ICA1: variants seen among roughly 807,000 people sequenced by gnomAD.
ICA1 encodes the protein 69 kDa islet cell autoantigen.
In ICA1, 40 loss-of-function variants were observed where a neutral mutation model predicts 71.0. That is an observed-to-expected ratio of 0.56 (90% confidence interval 0.44 to 0.73). The LOEUF is 0.73. Among genes scored for constraint, ICA1 ranks in the 30% least tolerant of loss-of-function variants. The pLI, the probability that ICA1 is intolerant of heterozygous loss-of-function variation, is 0.00. For synonymous variants in ICA1, 207 were observed against 209.5 expected (o/e 0.99, Z 0.10); for missense variants, 578 against 576.5 (o/e 1.00, Z -0.03).
At chr7:8,182,761 G>A (rs1281830491) in intron 6 of ICA1, among the ~76,000 whole-genome samples, 9 of 152,004 alleles carry the variant, frequency 5.9e-5, no homozygotes, top group African/African-American at 1.2e-4. Context: ...TTTTTGTATT[G>A]TATGTTACAG....
intron 6 of ICA1, among the ~76,000 whole-genome samples, chr7:8,184,983 A>C (rs1783441723): frequency 1.3e-5 from 2 of 152,134 alleles, no homozygotes; most frequent in Admixed American, 1.3e-4. Context: ...CTGAGGTGGG[A>C]GAATTGTTTG....
intron 13 of ICA1, among the ~76,000 whole-genome samples, chr7:8,114,650 T>C (rs1784213479): frequency 6.6e-6 from 1 of 152,196 alleles, no homozygotes; most frequent in Non-Finnish European, 1.5e-5. Context: ...TTCAGCCTCA[T>C]TGGAATACTC....
chr7:8,177,789 G>A (rs1448239008), intron 6 of ICA1, among the ~76,000 whole-genome samples: 1 of 152,194 alleles, frequency 6.6e-6, no homozygotes. Context: ...TTCTGTTAGG[G>A]AGATAGTATT....
chr7:8,157,832 C>T (rs142441430), intron 7 of ICA1: 1,966 of 152,028 alleles, frequency 0.013, 24 homozygotes, highest in Non-Finnish European at 0.021. Context: ...AAACTACAGG[C>T]GCCCACCACC....
At chr7:8,185,851 G>C (rs1378019119) in intron 6 of ICA1, among the ~76,000 whole-genome samples, 1 of 152,170 alleles carries the variant, frequency 6.6e-6, no homozygotes, top group East Asian at 1.9e-4. Flanking sequence ...TACAGTGCTT[G>C]GTGCATAGTA....
chr7:8,181,426 T>C (rs1238397424), intron 6 of ICA1, among the ~76,000 whole-genome samples: 1 of 152,152 alleles, frequency 6.6e-6, no homozygotes, highest in Non-Finnish European at 1.5e-5. Context: ...TCCTCTATCT[T>C]TGTTCTTACT....
intron 5 of ICA1, among the ~76,000 whole-genome samples, chr7:8,219,242 C>T (rs1157702276): frequency 6.6e-6 from 1 of 152,206 alleles, no homozygotes; most frequent in East Asian, 1.9e-4. Context: ...TGGGGAAAAA[C>T]ACTGCTTCTT....
chr7:8,221,700 G>A (rs1009136425), intron 4 of ICA1, among the ~76,000 whole-genome samples: 9 of 152,244 alleles, frequency 5.9e-5, no homozygotes, highest in South Asian at 4.2e-4. Context: ...GTGCGGCTTC[G>A]AGCTGAAATA....
intron 6 of ICA1, among the ~76,000 whole-genome samples, chr7:8,160,247 T>G (rs1803264789): frequency 6.6e-6 from 1 of 152,238 alleles, no homozygotes; most frequent in Non-Finnish European, 1.5e-5. Flanking sequence ...TACATTCATT[T>G]TCACCACTAA....
chr7:8,239,899 C>G (rs1803183442), intron 1 of ICA1, among the ~76,000 whole-genome samples: 1 of 152,242 alleles, frequency 6.6e-6, no homozygotes, highest in Admixed American at 6.5e-5. Flanking sequence ...GCCAGGGAAG[C>G]TTGAACTGGG....
chr7:8,141,625 G>A, intron 10 of ICA1, 140 bp downstream of exon 10: 2 of 586,840 alleles, frequency 3.4e-6, no homozygotes, highest in Non-Finnish European at 6.2e-6. Context: ...TTAGAACTGA[G>A]TCTACAGGAA....
rs1025354424 is a variant in ICA1, at chr7:8,130,206, C to T, written c.1061-2064G>A. ...CAGCATGATTTATAATCCTTTGGGT[C>T]TATACCCAGTAATGGGATGGCTGGG... On this transcript the variant is annotated intron_variant, in intron 12 of 13. Coordinates refer to ENST00000402384, the MANE Select transcript of ICA1 (RefSeq NM_001136020.3). This position sits in a 1 kb window ranked among gnomAD's most constrained non-coding sequence, Gnocchi z 4.2. Among the ~76,000 whole-genome samples, 1 of 152,174 alleles carries T rather than the reference C, an allele frequency of 6.6e-6. No individual in the cohort carries two copies. The highest frequency in any genetic ancestry group is 6.5e-5 in the Admixed American group (1 of 15,290).
At chr7:8,209,750 A>G (rs55956376) in intron 6 of ICA1, among the ~76,000 whole-genome samples, 147,927 of 152,228 alleles carry the variant, frequency 0.97, 71,901 homozygotes, top group East Asian at 1. Flanking sequence ...AGGCTCCCTG[A>G]GGGTCACGTG....
chr7:8,188,482 C>T (rs1449354151), intron 6 of ICA1, among the ~76,000 whole-genome samples: 1 of 152,204 alleles, frequency 6.6e-6, no homozygotes. Context: ...AGATTCCAAC[C>T]TGAACCACTC....
chr7:8,248,288 T>G (rs947240669), intron 1 of ICA1, among the ~76,000 whole-genome samples: 3 of 152,184 alleles, frequency 2.0e-5, no homozygotes, highest in East Asian at 3.9e-4. Flanking sequence ...ATCTCTTGAG[T>G]TGCATATCTG....
At chr7:8,136,197 C>T (rs879352491) in intron 12 of ICA1, among the ~76,000 whole-genome samples, 2 of 152,072 alleles carry the variant, frequency 1.3e-5, no homozygotes, top group South Asian at 2.1e-4. Flanking sequence ...GCTGTTGTCA[C>T]GAGCGGTCTG....
chr7:8,115,054 G>A (rs1362922397), intron 13 of ICA1: 1 of 152,168 alleles, frequency 6.6e-6, no homozygotes, highest in Non-Finnish European at 1.5e-5. Context: ...AGTATAAACA[G>A]GGCCTTTGAT....
chr7:8,161,078 G>C (rs1310510657), intron 6 of ICA1, among the ~76,000 whole-genome samples: 2 of 152,120 alleles, frequency 1.3e-5, no homozygotes, highest in African/African-American at 2.4e-5. Context: ...AATACACGTG[G>C]GAGTCGGAGC....
chr7:8,221,095 C>T (rs1267742112), intron 5 of ICA1, among the ~76,000 whole-genome samples, 180 bp downstream of exon 5: 1 of 151,872 alleles, frequency 6.6e-6, no homozygotes. Flanking sequence ...AAAAAAAATC[C>T]TATGTGTTAA....
Sources: gnomAD v4.1 joint callset for allele counts (sites outside exome capture counted in the v4.1 genomes callset) on GRCh38, gnomAD v4.1.1 for gene constraint, Gnocchi (gnomAD v3.1) non-coding constraint, MANE v1.5 for transcripts, NCBI Gene and HGNC (gene_info 2026-07-23, HGNC 2026-07-21) for gene names.